GABPA: variants seen among roughly 807,000 people sequenced by gnomAD.
The protein encoded by GABPA is GA-binding protein alpha chain.
In GABPA, 4 loss-of-function variants were observed where a neutral mutation model predicts 59.4. That is an observed-to-expected ratio of 0.07 (90% CI 0.03 to 0.15). The LOEUF (loss-of-function observed/expected upper bound fraction) is 0.15, where lower values mean the gene tolerates loss of function less well. Among genes scored for constraint, GABPA ranks in the 10% least tolerant of loss-of-function variants. GABPA has a pLI of 1.00. For missense variants in GABPA, 251 were observed against 543.8 expected, an observed-to-expected ratio of 0.46 and a Z score of 5.36; for synonymous variants, 164 against 183.1, an observed-to-expected ratio of 0.90 and a Z score of 0.84.
At chr21:25,747,985 C>T (rs1206274649) in intron 3 of GABPA, among the ~76,000 whole-genome samples, 1 of 152,108 alleles carries the variant, frequency 6.6e-6, no homozygotes, top group Non-Finnish European at 1.5e-5. Context: ...GCGCTCACTG[C>T]AACGTCCGCC....
chr21:25,751,912 A>G, intron 4 of GABPA, 77 bp from the exon 5 acceptor site: 1 of 1,433,202 alleles, frequency 7.0e-7, no homozygotes, highest in Non-Finnish European at 9.7e-7. Flanking sequence ...CCATTTGGGA[A>G]CATATAAACT....
intron 6 of GABPA, 121 bp downstream of exon 6, chr21:25,758,325 T>C (rs2035686640): frequency 1.4e-6 from 1 of 694,310 alleles, no homozygotes; most frequent in South Asian, 2.1e-5. Context: ...ATAATTAACA[T>C]TTATTTACTG....
Position 25,769,303 on chromosome 21 carries a change from T to C in GABPA, c.*71T>C. On this transcript the variant is annotated 3_prime_UTR_variant, in exon 10 of 10. Transcript: ENST00000400075. ...GAGCAAGTATAGCTCTTACCTTTAT[T>C]ACTGAATTTGAATCTTCTTTTATTT... 1.4e-6 allele frequency: 1 copy of C among 707,596 alleles called. No individual in the cohort carries two copies. The highest frequency in any genetic ancestry group is 2.5e-6 in the Non-Finnish European group (1 of 404,980). The allele number at this position is 707,596 out of a possible 1,614,324, so 43.8% of individuals were successfully genotyped here.
chr21:25,749,182 T>C, intron 4 of GABPA, 62 bp downstream of exon 4: 1 of 1,017,028 alleles, frequency 9.8e-7, no homozygotes, highest in Non-Finnish European at 1.5e-6. Flanking sequence ...ATACAATTTA[T>C]AAGTTTTTAG....
At chr21:25,757,314 G>T (rs1255441135) in intron 5 of GABPA, among the ~76,000 whole-genome samples, 1 of 152,034 alleles carries the variant, frequency 6.6e-6, no homozygotes, top group Non-Finnish European at 1.5e-5. Flanking sequence ...TTTTATTTAT[G>T]AATTCAATTA....
chr21:25,755,640 T>C (rs1259087219), intron 5 of GABPA, among the ~76,000 whole-genome samples: 2 of 152,098 alleles, frequency 1.3e-5, no homozygotes, highest in African/African-American at 2.4e-5. Context: ...CTTCAGTTTA[T>C]AGGCTTTTAT....
intron 5 of GABPA, among the ~76,000 whole-genome samples, chr21:25,755,453 A>AC (rs144668585): frequency 0.01 from 1,496 of 145,222 alleles, 33 homozygotes; most frequent in African/African-American, 0.037. Flanking sequence ...AAAAAAAAAA[A>AC]GGGCAAAGAA....
intron 4 of GABPA, among the ~76,000 whole-genome samples, chr21:25,750,234 C>T (rs951462913): frequency 9.9e-5 from 15 of 152,158 alleles, no homozygotes; most frequent in Non-Finnish European, 1.3e-4. Context: ...GGAAGTGAAG[C>T]TCAGGCGGTA....
At chr21:25,744,221 A>G (rs997098349) in intron 2 of GABPA, among the ~76,000 whole-genome samples, 12 of 151,744 alleles carry the variant, frequency 7.9e-5, no homozygotes, top group Non-Finnish European at 1.5e-4. Context: ...GTCAAGTGCA[A>G]TGGCACACAC....
At chr21:25,738,584 C>A (rs753292037) in intron 1 of GABPA, among the ~76,000 whole-genome samples, 1 of 152,136 alleles carries the variant, frequency 6.6e-6, no homozygotes, top group Non-Finnish European at 1.5e-5. Context: ...ACAAAAATGT[C>A]CCCACCATTT....
At chr21:25,768,719 T>C (rs960727424) in intron 9 of GABPA, among the ~76,000 whole-genome samples, 9 of 152,138 alleles carry the variant, frequency 5.9e-5, no homozygotes, top group Admixed American at 1.3e-4. Flanking sequence ...TTTTTTGTTT[T>C]GTTTAATAAT....
At chr21:25,747,488 G>C (rs1382209138) in intron 3 of GABPA, among the ~76,000 whole-genome samples, 2 of 152,174 alleles carry the variant, frequency 1.3e-5, no homozygotes, top group Non-Finnish European at 2.9e-5. Flanking sequence ...AGGGCATTTT[G>C]CATTACTCCT....
At chr21:25,749,571 C>T (rs867985146) in intron 4 of GABPA, among the ~76,000 whole-genome samples, 9 of 152,212 alleles carry the variant, frequency 5.9e-5, no homozygotes, top group African/African-American at 2.2e-4. Flanking sequence ...GGGGCTCACG[C>T]CTGTAATCCT....
At position 25,768,225 on chromosome 21, in the gene GABPA, T is replaced by C. The variant is rs71651656; in HGVS notation, c.1137-779T>C. 5.8e-4 allele frequency among the ~76,000 whole-genome samples: 88 copies of C among 152,120 alleles called. 2 individuals carry two copies. The East Asian group carries it at 0.015, about 26-fold the overall frequency. ...TGCCGGAACTCTGCTTGTGTACGTTTAGAAACATTGTCTCTTTGCAATGTC... is the reference window on the plus strand; with the variant it reads ...TGCCGGAACTCTGCTTGTGTACGTTCAGAAACATTGTCTCTTTGCAATGTC... On this transcript the variant is annotated intron_variant, in intron 9 of 9. Transcript: ENST00000400075.
intron 7 of GABPA, among the ~76,000 whole-genome samples, chr21:25,763,555 T>A (rs1248652132): frequency 1.3e-5 from 2 of 152,200 alleles, no homozygotes; most frequent in African/African-American, 4.8e-5. Context: ...GCATATTTTA[T>A]ATTTTTACCA....
chr21:25,743,341 G>A (rs941309220), intron 2 of GABPA, among the ~76,000 whole-genome samples: 3 of 152,108 alleles, frequency 2.0e-5, no homozygotes, highest in Admixed American at 1.3e-4. Context: ...ACTTTAAAAG[G>A]GCATGAATTT....
At chr21:25,763,718 T>C (rs1372288351) in intron 7 of GABPA, among the ~76,000 whole-genome samples, 1 of 152,192 alleles carries the variant, frequency 6.6e-6, no homozygotes, top group East Asian at 1.9e-4. Flanking sequence ...TTTTCACTGC[T>C]GTATCTTTTA....
intron 5 of GABPA, among the ~76,000 whole-genome samples, chr21:25,754,498 C>T (rs760750941): frequency 1.3e-5 from 2 of 152,022 alleles, no homozygotes; most frequent in Non-Finnish European, 2.9e-5. Flanking sequence ...TTTAATATAA[C>T]CTATCTGATT....
At chr21:25,760,520 C>T (rs1355210158) in intron 6 of GABPA, among the ~76,000 whole-genome samples, 3 of 151,960 alleles carry the variant, frequency 2.0e-5, no homozygotes, top group African/African-American at 7.3e-5. Flanking sequence ...GCAGTCCCCC[C>T]TATGTTGAAA....
Sources: allele counts gnomAD v4.1 joint callset (sites outside exome capture counted in the v4.1 genomes callset), GRCh38; gene constraint gnomAD v4.1.1; transcripts MANE v1.5; gene names NCBI Gene and HGNC (gene_info 2026-07-23, HGNC 2026-07-21).